The following CCDC14 variants were observed in gnomAD, a reference collection of about 807,000 sequenced individuals.
CCDC14 encodes coiled-coil domain containing 14.
CCDC14 carries 71 observed loss-of-function variants against 81.4 expected under a neutral mutation model. The observed-to-expected ratio is 0.87, with a 90% confidence interval of 0.72 to 1.06. The LOEUF (loss-of-function observed/expected upper bound fraction) is 1.06, where lower values mean the gene tolerates loss of function less well. Ranked by LOEUF, CCDC14 falls within the 50% of genes least tolerant of loss-of-function variation. The pLI is 0.00. For missense variants in CCDC14, 1,046 were observed against 1,047.3 expected, an observed-to-expected ratio of 1.00 and a Z score of 0.02; for synonymous variants, 332 against 364.8, an observed-to-expected ratio of 0.91 and a Z score of 1.03.
downstream of CCDC14, among the ~76,000 whole-genome samples, chr3:123,896,827 T>C (rs1410343218): frequency 6.6e-6 from 1 of 152,234 alleles, no homozygotes; most frequent in Non-Finnish European, 1.5e-5. Context: ...ATTCTTTAAA[T>C]CTTATTATCT....
At chr3:123,892,714 CA>C (rs368498568), downstream of CCDC14, among the ~76,000 whole-genome samples, 87,775 of 151,856 alleles carry the variant, frequency 0.58, 25,634 homozygotes, top group Admixed American at 0.63. Context: ...GGTGGGGACA[CA>C]AATTCAAACC....
the CCDC14 span, among the ~76,000 whole-genome samples, chr3:123,888,107 T>C: frequency 1.3e-5 from 2 of 152,238 alleles, no homozygotes; most frequent in Middle Eastern, 3.4e-3. Flanking sequence ...CTTCTGTGAG[T>C]TCTGTTCTAA....
At chr3:123,888,389 G>T in the CCDC14 span, among the ~76,000 whole-genome samples, 1 of 152,074 alleles carries the variant, frequency 6.6e-6, no homozygotes, top group Non-Finnish European at 1.5e-5. Flanking sequence ...AAGCTTTCCC[G>T]TTTGTTGTTT....
At chr3:123,887,810 TTC>T in the CCDC14 span, among the ~76,000 whole-genome samples, 1 of 152,220 alleles carries the variant, frequency 6.6e-6, no homozygotes, top group African/African-American at 2.4e-5. Context: ...TAAATATTTG[TTC>T]TGTTTTGGAT....
At chr3:123,956,869 T>C in intron 1 of CCDC14, 74 bp from the exon 2 acceptor site, 1 of 957,742 alleles carries the variant, frequency 1.0e-6, no homozygotes, top group Non-Finnish European at 1.5e-6. Flanking sequence ...CTTGACAAAA[T>C]TTAATGTCAT....
intron 12 of CCDC14, among the ~76,000 whole-genome samples, chr3:123,928,555 T>C (rs1044861990): frequency 6.6e-6 from 1 of 152,066 alleles, no homozygotes; most frequent in South Asian, 2.1e-4. Flanking sequence ...CATATGTCAG[T>C]AAAGCACTAG....
chr3:123,933,306 A>C (rs376172967), intron 10 of CCDC14, among the ~76,000 whole-genome samples: 23 of 152,336 alleles, frequency 1.5e-4, no homozygotes, highest in African/African-American at 4.8e-4. Context: ...TTTGATAGAC[A>C]AAAGTGTCCA....
At chr3:123,917,479 G>A (rs1467784580) in intron 12 of CCDC14, among the ~76,000 whole-genome samples, 1 of 150,224 alleles carries the variant, frequency 6.7e-6, no homozygotes, top group Non-Finnish European at 1.5e-5. Flanking sequence ...TGGGCAACAG[G>A]GCGAAACTCC....
intron 12 of CCDC14, among the ~76,000 whole-genome samples, chr3:123,916,715 G>C (rs550533973): frequency 6.6e-6 from 1 of 151,986 alleles, no homozygotes; most frequent in Non-Finnish European, 1.5e-5. Flanking sequence ...AGATATTTCC[G>C]AACTACAATG....
chr3:123,935,397 A>G (rs141156649), intron 9 of CCDC14, among the ~76,000 whole-genome samples: 2 of 152,318 alleles, frequency 1.3e-5, no homozygotes, highest in African/African-American at 2.4e-5. Flanking sequence ...AAATTATTCT[A>G]CTTCTAGGTT....
At chr3:123,887,085 AT>A in the CCDC14 span, among the ~76,000 whole-genome samples, 2 of 152,138 alleles carry the variant, frequency 1.3e-5, no homozygotes, top group Non-Finnish European at 2.9e-5. Context: ...ATCAGTTTTG[AT>A]TCTTGAAAAC....
At chr3:123,912,359 C>T (rs547652951), downstream of CCDC14, among the ~76,000 whole-genome samples, 1 of 152,276 alleles carries the variant, frequency 6.6e-6, no homozygotes, top group East Asian at 1.9e-4. Flanking sequence ...GATCTAAAGA[C>T]GACGACTGAG....
At chr3:123,907,516 TG>T (rs541452795) in intron 5 of CCDC14, among the ~76,000 whole-genome samples, 93 of 147,520 alleles carry the variant, frequency 6.3e-4, no homozygotes, top group African/African-American at 2.0e-3. Flanking sequence ...AAAACCAGCC[TG>T]GGAAAGATGG....
chr3:123,948,913 T>C lies in CCDC14; in HGVS notation c.572A>G (p.His191Arg), dbSNP rs116934420. Residue 191 changes from histidine (H) to arginine (R), a missense_variant, in exon 6 of 13, where the codon CAT becomes CGT. Transcript: ENST00000409697. ...IPNGIPAVPCHAPSHSESQAT... is the reference protein window; with the variant it reads ...IPNGIPAVPCRAPSHSESQAT... ...GTACTCACCAGAATGAGAGGGAGCA[T>C]GGCATGGTACAGCAGGAATTCCATT... is the stretch of plus-strand genomic sequence containing the variant. 80 of 1,613,538 alleles carry C rather than the reference T, an allele frequency of 5.0e-5. No individual in the cohort carries two copies. The East Asian group carries it at 1.5e-3, about 30-fold the overall frequency.
At position 123,955,870 on chromosome 3, in the gene CCDC14, T is replaced by C. The variant is rs753218329; in HGVS notation, c.325A>G (p.Ile109Val). The change falls in exon 5 of 13, where the codon ATT becomes GTT. Residue 109 changes from isoleucine (I) to valine (V), a missense_variant. Physicochemically the swap from Ile to Val is conservative, Grantham distance 29. Coordinates refer to ENST00000409697, the MANE Select transcript of CCDC14 (RefSeq NM_001366335.1). ...SKKKRHEKHTIPLVVQKETSS... is the reference protein window; with the variant it reads ...SKKKRHEKHTVPLVVQKETSS... ...GTTTCTTTCTGGACTACCAAAGGAA[T>C]AGTATGTTTTTCATGTCTTTTCTTT... 6 of 1,532,798 alleles carry C rather than the reference T, an allele frequency of 3.9e-6. No individual in the cohort carries two copies. Among genetic ancestry groups the C allele is most frequent in the Middle Eastern group, 3.6e-4 (2 of 5,502 alleles). 94.9% of individuals were successfully genotyped at this position (1,532,798 alleles called of 1,614,324 possible). A position where few individuals can be genotyped will look rare whatever the true frequency, so the allele number is the denominator to read the frequency against.
downstream of CCDC14, among the ~76,000 whole-genome samples, chr3:123,893,241 C>T (rs1350394168): frequency 1.3e-5 from 2 of 152,194 alleles, no homozygotes; most frequent in Non-Finnish European, 2.9e-5. Context: ...CCCATTTCCT[C>T]TTCCCTCCAA....
chr3:123,898,421 T>C (rs1054390581), intron 5 of CCDC14, among the ~76,000 whole-genome samples: 8 of 152,202 alleles, frequency 5.3e-5, no homozygotes, highest in African/African-American at 1.9e-4. Flanking sequence ...TAAAATTCTT[T>C]CCATTATTCT....
chr3:123,911,691 A>G (rs1018746816), downstream of CCDC14, among the ~76,000 whole-genome samples: 6 of 152,258 alleles, frequency 3.9e-5, no homozygotes, highest in East Asian at 1.9e-4. Flanking sequence ...CTCAGAGCCT[A>G]TAATAGTAAC....
intron 5 of CCDC14, among the ~76,000 whole-genome samples, chr3:123,906,533 T>C (rs976834616): frequency 1.3e-5 from 2 of 151,594 alleles, no homozygotes; most frequent in Admixed American, 1.3e-4. Context: ...AAATAATGAC[T>C]GAAGTTTTCC....
Sources: allele counts gnomAD v4.1 joint callset (sites outside exome capture counted in the v4.1 genomes callset), GRCh38; gene constraint gnomAD v4.1.1; transcripts MANE v1.5; gene names NCBI Gene and HGNC (gene_info 2026-07-23, HGNC 2026-07-21).